TECPR2: variants seen among roughly 807,000 people sequenced by gnomAD.
TECPR2 encodes the protein tectonin beta-propeller repeat-containing protein 2.
Under a neutral mutation model 138.1 loss-of-function variants are expected in TECPR2, and 65 were observed. The observed-to-expected ratio is 0.47, with a 90% CI of 0.39 to 0.58. The LOEUF is 0.58. Among genes scored for constraint, TECPR2 ranks in the 20% least tolerant of loss-of-function variants. TECPR2 has a pLI of 0.00. For synonymous variants in TECPR2, 746 were observed against 749.8 expected, an observed-to-expected ratio of 0.99 and a Z score of 0.08; for missense variants, 1,553 against 1,824.5, an observed-to-expected ratio of 0.85 and a Z score of 2.71.
intron 16 of TECPR2, among the ~76,000 whole-genome samples, chr14:102,453,077 C>T (rs993187615): frequency 3.3e-5 from 5 of 152,350 alleles, no homozygotes; most frequent in African/African-American, 1.2e-4. Context: ...CACACAGGTG[C>T]TAGCTCTCCT....
At chr14:102,378,131 A>G (rs554945200) in intron 2 of TECPR2, among the ~76,000 whole-genome samples, 1 of 152,318 alleles carries the variant, frequency 6.6e-6, no homozygotes, top group African/African-American at 2.4e-5. Flanking sequence ...GAGAGACTCA[A>G]AGTTGACTGA....
intron 16 of TECPR2, among the ~76,000 whole-genome samples, chr14:102,464,026 G>A (rs1005131858): frequency 3.9e-5 from 6 of 152,356 alleles, no homozygotes; most frequent in Middle Eastern, 3.4e-3. Context: ...GGTTGCTGAT[G>A]CAGAGGACCC....
At chr14:102,370,589 C>T (rs773501697) in intron 1 of TECPR2, among the ~76,000 whole-genome samples, 2 of 152,176 alleles carry the variant, frequency 1.3e-5, no homozygotes, top group Non-Finnish European at 2.9e-5. Context: ...GTGAGAGATC[C>T]TCGGGTGGCA....
chr14:102,395,989 C>G (rs530773470), intron 2 of TECPR2, among the ~76,000 whole-genome samples: 1 of 152,108 alleles, frequency 6.6e-6, no homozygotes, highest in Admixed American at 6.6e-5. Context: ...ATGAATTGTC[C>G]CTGTTGATCA....
chr14:102,405,356 C>G (rs1888631623), intron 2 of TECPR2, among the ~76,000 whole-genome samples: 2 of 151,980 alleles, frequency 1.3e-5, no homozygotes, highest in African/African-American at 2.4e-5. Flanking sequence ...AAACCCAATT[C>G]AAAAATGGGC....
chr14:102,406,376 G>A (rs10146205), intron 2 of TECPR2, among the ~76,000 whole-genome samples: 5,793 of 151,718 alleles, frequency 0.038, 301 homozygotes, highest in African/African-American at 0.12. Context: ...GTGAAACCCC[G>A]TCTCTACTAA....
At chr14:102,398,072 C>CAA (rs560266373) in intron 2 of TECPR2, among the ~76,000 whole-genome samples, 32 of 45,602 alleles carry the variant, frequency 7.0e-4, no homozygotes, top group Middle Eastern at 0.012. Flanking sequence ...GATTCTGTCT[C>CAA]AAAAAAAAAA....
At chr14:102,444,651 GC>G (rs1889922054) in intron 12 of TECPR2, among the ~76,000 whole-genome samples, 1 of 152,068 alleles carries the variant, frequency 6.6e-6, no homozygotes, top group Admixed American at 6.6e-5. Context: ...AATTTAGCAA[GC>G]CAATAAACTT....
Position 102,434,475 on chromosome 14 carries a change from C to G in TECPR2, c.1658C>G (p.Ser553Ter). The change falls in exon 9 of 20, where the codon TCA becomes TGA. Residue 553 changes from serine (S) to a stop codon, truncating the protein, a stop_gained. Transcript: ENST00000359520. LOFTEE classifies it high-confidence loss of function. Reference protein sequence around the residue: ...DPETFNVLEVSGSMPDSLAEE... With the variant: ...DPETFNVLEV ...GAAACGTTTAATGTCCTGGAGGTGT[C>G]AGGATCAATGCCTGATTCTCTGGCT... The G allele has an allele frequency of 1.9e-6, 3 of 1,556,416 alleles. No individual in the cohort carries two copies. The highest frequency in any genetic ancestry group is 2.6e-6 in the Non-Finnish European group (3 of 1,152,762).
At chr14:102,426,208 T>G (rs925286902) in intron 6 of TECPR2, among the ~76,000 whole-genome samples, 11 of 152,064 alleles carry the variant, frequency 7.2e-5, no homozygotes, top group Middle Eastern at 3.2e-3. Context: ...TTTTTTTGTT[T>G]TTTGTTTTTT....
chr14:102,375,477 T>G (rs1432826321), intron 1 of TECPR2, among the ~76,000 whole-genome samples: 1 of 151,712 alleles, frequency 6.6e-6, no homozygotes, highest in African/African-American at 2.4e-5. Flanking sequence ...GAGGAAGAGC[T>G]CAGTAGAGAA....
intron 5 of TECPR2, 121 bp downstream of exon 5, chr14:102,414,914 T>G (rs971342148): frequency 1.0e-5 from 13 of 1,281,502 alleles, no homozygotes; most frequent in Non-Finnish European, 1.3e-5. Context: ...ACAGCGCCTC[T>G]AAGCCTGGGG....
Position 102,443,919 on chromosome 14 carries a change from C to T in TECPR2, c.2933+92C>T, listed in dbSNP as rs1889902871. 1 of 1,308,450 alleles carries T rather than the reference C, an allele frequency of 7.6e-7. No homozygotes were observed. The allele number at this position is 1,308,450 out of a possible 1,614,324, so 81.1% of individuals were successfully genotyped here. On this transcript the variant is annotated intron_variant, in intron 12 of 19. Transcript: ENST00000359520. The surrounding 1 kb of genome is among the most constrained non-coding windows in gnomAD (Gnocchi z 4.9). ...ACCACAAGGCACCATGAGGCCGTTC[C>T]TGGGAGGCAGCACCTGCAGCCTCCA...
chr14:102,449,524 A>C, intron 13 of TECPR2, 105 bp from the exon 14 acceptor site: 1 of 1,504,242 alleles, frequency 6.6e-7, no homozygotes, highest in Non-Finnish European at 9.0e-7. Context: ...TCTTGTTACT[A>C]GAAATGCAGA....
intron 16 of TECPR2, among the ~76,000 whole-genome samples, chr14:102,463,939 A>C (rs1053812406): frequency 1.3e-5 from 2 of 152,188 alleles, no homozygotes; most frequent in Non-Finnish European, 2.9e-5. Context: ...CAAACAGAAC[A>C]AAAAACAAAA....
chr14:102,377,079 A>G, intron 2 of TECPR2, 139 bp downstream of exon 2: 2 of 894,160 alleles, frequency 2.2e-6, no homozygotes, highest in Non-Finnish European at 3.3e-6. Flanking sequence ...ATACTTTAAA[A>G]CCATCTTTAG....
At chr14:102,488,086 C>T (rs1297095349) in intron 17 of TECPR2, among the ~76,000 whole-genome samples, 3 of 152,006 alleles carry the variant, frequency 2.0e-5, no homozygotes, top group Admixed American at 1.3e-4. Flanking sequence ...TCAGGTGATA[C>T]GCCTGCCTCA....
chr14:102,392,591 C>G (rs1177873472), intron 2 of TECPR2, among the ~76,000 whole-genome samples: 1 of 151,878 alleles, frequency 6.6e-6, no homozygotes, highest in African/African-American at 2.4e-5. Context: ...CTTTTATGTT[C>G]TGTGTTCTTC....
chr14:102,423,381 G>C (rs1394392451), intron 5 of TECPR2, among the ~76,000 whole-genome samples: 1 of 151,450 alleles, frequency 6.6e-6, no homozygotes, highest in African/African-American at 2.4e-5. Context: ...CCATTGCATT[G>C]AGCCCAGATT....
Sources: allele counts gnomAD v4.1 joint callset (sites outside exome capture counted in the v4.1 genomes callset), GRCh38; gene constraint gnomAD v4.1.1; non-coding constraint Gnocchi (gnomAD v3.1); transcripts MANE v1.5; gene names NCBI Gene and HGNC (gene_info 2026-07-23, HGNC 2026-07-21).